Variants in SLC35F4 observed in about 807,000 individuals in gnomAD.
SLC35F4 encodes the protein solute carrier family 35 member F4, also known as chromosome 14 open reading frame 36.
Under a neutral mutation model 44.2 loss-of-function variants are expected in SLC35F4, and 24 were observed. The ratio of observed to expected loss-of-function variants is 0.54; its 90% CI spans 0.39 to 0.76. The LOEUF (loss-of-function observed/expected upper bound fraction) is 0.76. Ranked by LOEUF, SLC35F4 falls within the 30% of genes least tolerant of loss-of-function variation. The pLI, the probability that SLC35F4 is intolerant of heterozygous loss-of-function variation, is 0.00. For synonymous variants in SLC35F4, 238 were observed against 223.6 expected, an observed-to-expected ratio of 1.06 and a Z score of -0.57; for missense variants, 562 against 586.1, an observed-to-expected ratio of 0.96 and a Z score of 0.42.
rs1438989471 is a variant in SLC35F4, at chr14:57,838,302, T to A, written c.103+27421A>T. On this transcript the variant is annotated intron_variant, in intron 1 of 7. Coordinates refer to ENST00000556826, the MANE Select transcript of SLC35F4 (RefSeq NM_001306087.2). ...AGGCAAACAGGAAAGAAGGAGAATATATCCTACTTCTCAAAACCTAAGAAT... is the reference window on the plus strand; with the variant it reads ...AGGCAAACAGGAAAGAAGGAGAATAAATCCTACTTCTCAAAACCTAAGAAT... Among the ~76,000 whole-genome samples, 2 of 152,132 alleles carry A rather than the reference T, an allele frequency of 1.3e-5. 1 individual carries two copies. The highest frequency in any genetic ancestry group is 2.9e-5 in the Non-Finnish European group (2 of 68,026).
chr14:57,663,838 C>G (rs764808703), intron 1 of SLC35F4, among the ~76,000 whole-genome samples: 3 of 152,144 alleles, frequency 2.0e-5, no homozygotes, highest in Non-Finnish European at 4.4e-5. Flanking sequence ...GGCCACCAGG[C>G]AAAGCCATAA....
chr14:57,786,252 G>A (rs1034716107), intron 1 of SLC35F4, among the ~76,000 whole-genome samples: 1 of 152,142 alleles, frequency 6.6e-6, no homozygotes, highest in Non-Finnish European at 1.5e-5. Context: ...CCTCACAGCA[G>A]CTGCAGCAAG....
intron 4 of SLC35F4, among the ~76,000 whole-genome samples, chr14:57,575,565 T>C (rs1365264039): frequency 2.6e-5 from 4 of 152,146 alleles, no homozygotes; most frequent in Admixed American, 6.5e-5. Flanking sequence ...TTAGTAACCA[T>C]AGTGACCATA....
intron 1 of SLC35F4, among the ~76,000 whole-genome samples, chr14:57,690,140 C>G (rs556297094): frequency 6.6e-6 from 1 of 152,276 alleles, no homozygotes; most frequent in African/African-American, 2.4e-5. Context: ...AAGTCAGCAT[C>G]TCATGGAATG....
chr14:57,790,507 C>T (rs567639916), intron 1 of SLC35F4, among the ~76,000 whole-genome samples: 2 of 152,232 alleles, frequency 1.3e-5, no homozygotes, highest in African/African-American at 4.8e-5. Flanking sequence ...AATAGAAAAA[C>T]ATTTCATGCT....
chr14:57,567,142 C>T (rs2068245571), intron 6 of SLC35F4, among the ~76,000 whole-genome samples: 2 of 152,218 alleles, frequency 1.3e-5, no homozygotes, highest in Non-Finnish European at 2.9e-5. Flanking sequence ...AGGGCAGATC[C>T]ACAGAACCAG....
chr14:57,582,993 CAT>C (rs35244606), intron 3 of SLC35F4, among the ~76,000 whole-genome samples: 1,993 of 152,316 alleles, frequency 0.013, 40 homozygotes, highest in African/African-American at 0.045. Context: ...AGGTTAAAGA[CAT>C]GTGTTGCACA....
intron 1 of SLC35F4, among the ~76,000 whole-genome samples, chr14:57,746,046 A>G (rs2076744972): frequency 6.6e-6 from 1 of 151,890 alleles, no homozygotes; most frequent in African/African-American, 2.4e-5. Context: ...GAACACTTGA[A>G]TACAGGGTGG....
chr14:57,601,194 C>T (rs2070805265), intron 1 of SLC35F4, among the ~76,000 whole-genome samples: 1 of 151,510 alleles, frequency 6.6e-6, no homozygotes, highest in East Asian at 1.9e-4. Flanking sequence ...TCAAGACTTG[C>T]TTATTATCTT....
intron 1 of SLC35F4, among the ~76,000 whole-genome samples, chr14:57,892,756 C>T (rs538970143): frequency 6.6e-6 from 1 of 151,962 alleles, no homozygotes; most frequent in Non-Finnish European, 1.5e-5. Context: ...GTCATGAAAC[C>T]AGTCCTATTT....
chr14:57,868,284 C>A (rs1888225753), upstream of SLC35F4, among the ~76,000 whole-genome samples: 1 of 152,096 alleles, frequency 6.6e-6, no homozygotes, highest in African/African-American at 2.4e-5. Flanking sequence ...TAAATGCCAG[C>A]AAGTGCTATA....
intron 1 of SLC35F4, among the ~76,000 whole-genome samples, chr14:57,838,631 G>A (rs1204892660): frequency 2.0e-5 from 3 of 152,092 alleles, no homozygotes; most frequent in Non-Finnish European, 4.4e-5. Flanking sequence ...ACAACAATAA[G>A]AGACATGACA....
chr14:57,825,128 T>C (rs62004972), intron 1 of SLC35F4, among the ~76,000 whole-genome samples: 10,052 of 152,094 alleles, frequency 0.066, 901 homozygotes, highest in African/African-American at 0.2. Flanking sequence ...GGGATCTGTA[T>C]GGACCATGCC....
intron 1 of SLC35F4, among the ~76,000 whole-genome samples, chr14:57,947,759 G>C (rs1890062559): frequency 6.6e-6 from 1 of 152,048 alleles, no homozygotes; most frequent in Admixed American, 6.5e-5. Context: ...TTTATCAAAT[G>C]CTTTTCCTGC....
At chr14:57,685,667 T>C (rs1251355733) in intron 1 of SLC35F4, among the ~76,000 whole-genome samples, 1 of 152,218 alleles carries the variant, frequency 6.6e-6, no homozygotes, top group African/African-American at 2.4e-5. Flanking sequence ...GGGTAATTAT[T>C]ACAAATCCTA....
At chr14:57,823,785 G>A (rs906655899) in intron 1 of SLC35F4, among the ~76,000 whole-genome samples, 8 of 151,734 alleles carry the variant, frequency 5.3e-5, no homozygotes, top group Non-Finnish European at 5.9e-5. Context: ...AAATCAGTTT[G>A]GTTTTGTAAT....
intron 1 of SLC35F4, among the ~76,000 whole-genome samples, chr14:57,955,330 A>G (rs990376205): frequency 6.6e-6 from 1 of 152,232 alleles, no homozygotes; most frequent in African/African-American, 2.4e-5. Flanking sequence ...ACCCACAGCC[A>G]GTATCATACT....
At chr14:57,805,892 C>A (rs1461850983) in intron 1 of SLC35F4, among the ~76,000 whole-genome samples, 1 of 152,064 alleles carries the variant, frequency 6.6e-6, no homozygotes, top group Non-Finnish European at 1.5e-5. Context: ...AAGGTCACAA[C>A]AATGTAAAAA....
intron 1 of SLC35F4, among the ~76,000 whole-genome samples, chr14:57,964,033 T>G (rs1437865710): frequency 6.6e-6 from 1 of 152,130 alleles, no homozygotes; most frequent in Non-Finnish European, 1.5e-5. Flanking sequence ...TAGCTCATCT[T>G]CATAAACAGA....
Sources: allele counts gnomAD v4.1 joint callset (sites outside exome capture counted in the v4.1 genomes callset), GRCh38; gene constraint gnomAD v4.1.1; transcripts MANE v1.5; gene names NCBI Gene and HGNC (gene_info 2026-07-23, HGNC 2026-07-21).